The following PTPRD variants were observed in gnomAD, a reference collection of about 807,000 sequenced individuals.
PTPRD encodes the protein protein tyrosine phosphatase receptor type D.
PTPRD carries 34 observed loss-of-function variants against 214.5 expected under a neutral mutation model. The ratio of observed to expected loss-of-function variants is 0.16; its 90% CI spans 0.12 to 0.21. PTPRD has a LOEUF of 0.21. PTPRD is among the 10% of genes least tolerant of loss of function. The pLI, the probability that PTPRD is intolerant of heterozygous loss-of-function variation, is 1.00. For missense variants in PTPRD, 2,545 were observed against 2,398.7 expected (o/e 1.06, Z -1.27); for synonymous variants, 1,128 against 845.7 (o/e 1.33, Z -5.79).
intron 2 of PTPRD, among the ~76,000 whole-genome samples, chr9:10,505,322 T>A (rs2045552885): frequency 6.6e-6 from 1 of 152,180 alleles, no homozygotes; most frequent in African/African-American, 2.4e-5. Context: ...TCTCATTATA[T>A]ATGATATTTT....
intron 7 of PTPRD, among the ~76,000 whole-genome samples, chr9:9,690,153 G>T (rs10816165): frequency 6.6e-6 from 1 of 151,612 alleles, no homozygotes; most frequent in Admixed American, 6.6e-5. Flanking sequence ...TCCAGCATTC[G>T]TTATTGCCTG....
At chr9:9,955,687 C>T (rs1246465269) in intron 4 of PTPRD, among the ~76,000 whole-genome samples, 1 of 152,062 alleles carries the variant, frequency 6.6e-6, no homozygotes, top group African/African-American at 2.4e-5. Context: ...CCATGCCCGA[C>T]TAATTTTTTG....
intron 26 of PTPRD, among the ~76,000 whole-genome samples, chr9:8,495,118 C>T (rs531223812): frequency 2.6e-5 from 4 of 152,140 alleles, no homozygotes; most frequent in Non-Finnish European, 5.9e-5. Flanking sequence ...CTGTGACTTC[C>T]AATCTGAGCT....
rs201889622 is a variant in PTPRD at position 8,694,569 on chromosome 9, AAAC to A, written c.64+39208_64+39210del. Among the ~76,000 whole-genome samples, 1,272 of 152,338 alleles carry A rather than the reference AAAC, an allele frequency of 8.3e-3. 14 individuals are homozygous for A. Among genetic ancestry groups the A allele is most frequent in the African/African-American group, 0.03 (1,232 of 41,582 alleles). On this transcript the variant is annotated intron_variant, in intron 12 of 45. Transcript: ENST00000381196. ...CTCACCAGCAGAAGATAAAAATGAC[AAAC>A]AACAATACATTTTATTCAGGATTAA... is the stretch of plus-strand genomic sequence containing the variant.
At chr9:10,262,663 T>C (rs569047035) in intron 3 of PTPRD, among the ~76,000 whole-genome samples, 3 of 152,352 alleles carry the variant, frequency 2.0e-5, no homozygotes, top group Non-Finnish European at 4.4e-5. Context: ...ACCAGCTATA[T>C]GAGCATGAAT....
chr9:9,692,794 C>A (rs1038483280), intron 7 of PTPRD, among the ~76,000 whole-genome samples: 2 of 151,798 alleles, frequency 1.3e-5, no homozygotes, highest in Non-Finnish European at 2.9e-5. Context: ...TTAGTGGCCT[C>A]TTAAATTTCT....
chr9:9,676,243 G>A (rs13296998), intron 7 of PTPRD, among the ~76,000 whole-genome samples: 97,711 of 150,352 alleles, frequency 0.65, 32,196 homozygotes, highest in Admixed American at 0.71. Context: ...GTCATTTAAC[G>A]TTAGGTGTAT....
intron 12 of PTPRD, among the ~76,000 whole-genome samples, chr9:8,720,967 G>C (rs914090895): frequency 5.9e-5 from 9 of 151,496 alleles, no homozygotes; most frequent in African/African-American, 1.9e-4. Context: ...AATCATGAGT[G>C]TGTGTTTTAG....
chr9:10,377,154 T>C (rs560547286), intron 2 of PTPRD, among the ~76,000 whole-genome samples: 17 of 152,062 alleles, frequency 1.1e-4, no homozygotes, highest in African/African-American at 3.4e-4. Context: ...AGAAATGTGA[T>C]GTTTGTCTTT....
intron 14 of PTPRD, among the ~76,000 whole-genome samples, chr9:8,633,114 T>C (rs2096305096): frequency 6.6e-6 from 1 of 152,026 alleles, no homozygotes; most frequent in Non-Finnish European, 1.5e-5. Context: ...TTTTTACCTC[T>C]GATATTCCCC....
intron 11 of PTPRD, among the ~76,000 whole-genome samples, chr9:8,961,510 A>G (rs1390982515): frequency 2.6e-5 from 4 of 152,104 alleles, no homozygotes; most frequent in African/African-American, 9.7e-5. Context: ...TGTCTCTAGT[A>G]GTCAACAGTG....
intron 11 of PTPRD, among the ~76,000 whole-genome samples, chr9:8,909,865 G>GC (rs2098735140): frequency 2.1e-5 from 1 of 46,692 alleles, no homozygotes; most frequent in South Asian, 7.9e-4. Context: ...GATATTAAAG[G>GC]CAAAAAAAAA....
chr9:9,546,844 CCAAA>C (rs1307243747), intron 8 of PTPRD, among the ~76,000 whole-genome samples: 1 of 151,414 alleles, frequency 6.6e-6, no homozygotes, highest in African/African-American at 2.4e-5. Flanking sequence ...GGAGTAATTA[CCAAA>C]CAGTGTTCCT....
In PTPRD at chr9:9,399,443, T is replaced by A. The variant is rs184877600; in HGVS notation, c.-236-1961A>T. Among the ~76,000 whole-genome samples, 397 of 152,146 alleles carry A rather than the reference T, an allele frequency of 2.6e-3. 3 individuals carry two copies. Among genetic ancestry groups the A allele is most frequent in the African/African-American group, 8.6e-3 (358 of 41,548 alleles). ...AGTATTTGTGATTTAAAGACACCCC[T>A]ACAGTAGAATGCTACTCAGTAATTT... On this transcript the variant is annotated intron_variant, in intron 8 of 45. Transcript: ENST00000381196.
chr9:9,777,355 C>A (rs1037059849), intron 5 of PTPRD, among the ~76,000 whole-genome samples: 2 of 146,102 alleles, frequency 1.4e-5, no homozygotes, highest in African/African-American at 2.5e-5. Flanking sequence ...ACACACACAC[C>A]CCTAAATGTT....
chr9:10,348,810 G>A (rs1165716767), intron 2 of PTPRD, among the ~76,000 whole-genome samples: 2 of 152,220 alleles, frequency 1.3e-5, no homozygotes, highest in South Asian at 2.1e-4. Flanking sequence ...ACTTGGTCAC[G>A]CAAGCCTGCC....
chr9:8,809,699 G>T (rs998746113), intron 11 of PTPRD, among the ~76,000 whole-genome samples: 1 of 152,132 alleles, frequency 6.6e-6, no homozygotes, highest in Non-Finnish European at 1.5e-5. Context: ...CTGGCATAAG[G>T]TTTACTCTGC....
intron 3 of PTPRD, among the ~76,000 whole-genome samples, chr9:10,062,572 T>A (rs747849760): frequency 1.3e-5 from 2 of 151,986 alleles, no homozygotes. Context: ...CTCCATCGTA[T>A]TCCAGCCTGG....
At chr9:10,271,099 C>G (rs1223753592) in intron 3 of PTPRD, among the ~76,000 whole-genome samples, 1 of 152,130 alleles carries the variant, frequency 6.6e-6, no homozygotes, top group East Asian at 1.9e-4. Context: ...ACTGAAATTA[C>G]AGACCTGAAC....
Sources: allele counts gnomAD v4.1 joint callset (sites outside exome capture counted in the v4.1 genomes callset), GRCh38; gene constraint gnomAD v4.1.1; transcripts MANE v1.5; gene names NCBI Gene and HGNC (gene_info 2026-07-23, HGNC 2026-07-21).